Variants in C7orf78 observed in about 807,000 individuals in gnomAD.
C7orf78 encodes the protein putative uncharacterized protein C7orf78.
chr7:12,500,922 G>C, the C7orf78 span, among the ~76,000 whole-genome samples: 15,919 of 136,460 alleles, frequency 0.12, 1,186 homozygotes, highest in African/African-American at 0.2. Context: ...AAGGCTGGTT[G>C]AATATACGCA....
the C7orf78 span, among the ~76,000 whole-genome samples, chr7:12,498,559 A>G: frequency 6.6e-6 from 1 of 152,152 alleles, no homozygotes; most frequent in Non-Finnish European, 1.5e-5. Flanking sequence ...AAACGAGCAA[A>G]GCCTCCAAGA....
At chr7:12,535,477 A>G in the C7orf78 span, among the ~76,000 whole-genome samples, 5 of 152,186 alleles carry the variant, frequency 3.3e-5, no homozygotes, top group Non-Finnish European at 7.3e-5. Context: ...GGTCCTTCCC[A>G]GAACACATGG....
the C7orf78 span, among the ~76,000 whole-genome samples, chr7:12,530,196 G>T: frequency 6.6e-6 from 1 of 152,164 alleles, no homozygotes; most frequent in African/African-American, 2.4e-5. Context: ...AGTGGGGGTT[G>T]TGGAAGCCAA....
chr7:12,535,141 A>G, the C7orf78 span, among the ~76,000 whole-genome samples: 1 of 152,214 alleles, frequency 6.6e-6, no homozygotes, highest in Non-Finnish European at 1.5e-5. Flanking sequence ...ACCCACCAAA[A>G]TAGCCAAAAT....
At chr7:12,496,433 G>T in the C7orf78 span, 1 of 152,138 alleles carries the variant, frequency 6.6e-6, no homozygotes, top group African/African-American at 2.4e-5. Flanking sequence ...TATGCTGTTC[G>T]TCCATCCAAA....
At chr7:12,495,650 T>G in the C7orf78 span, among the ~76,000 whole-genome samples, 1 of 152,344 alleles carries the variant, frequency 6.6e-6, no homozygotes, top group Admixed American at 6.5e-5. Flanking sequence ...GAAAGTCTCT[T>G]GTTTTTATTT....
the C7orf78 span, among the ~76,000 whole-genome samples, chr7:12,517,714 T>C: frequency 6.6e-6 from 1 of 152,176 alleles, no homozygotes. Context: ...AACTCTTCAG[T>C]TCTAGAATTT....
the C7orf78 span, among the ~76,000 whole-genome samples, chr7:12,498,334 G>GA: frequency 6.6e-6 from 1 of 151,262 alleles, no homozygotes; most frequent in Non-Finnish European, 1.5e-5. Context: ...TGAAAACTTT[G>GA]AAAAAAATTT....
At chr7:12,514,308 C>A in the C7orf78 span, among the ~76,000 whole-genome samples, 1 of 151,864 alleles carries the variant, frequency 6.6e-6, no homozygotes, top group African/African-American at 2.4e-5. Context: ...TAACAATATT[C>A]TTTATCTTTT....
the C7orf78 span, among the ~76,000 whole-genome samples, chr7:12,529,893 A>G: frequency 1.3e-5 from 2 of 152,254 alleles, no homozygotes; most frequent in Non-Finnish European, 2.9e-5. Flanking sequence ...CTCCGCGCAC[A>G]GCTCAGGGGC....
At chr7:12,504,862 T>C in the C7orf78 span, among the ~76,000 whole-genome samples, 1 of 152,124 alleles carries the variant, frequency 6.6e-6, no homozygotes, top group African/African-American at 2.4e-5. Flanking sequence ...CAGATTATAT[T>C]ACATTTTTTT....
At chr7:12,508,680 A>C in the C7orf78 span, among the ~76,000 whole-genome samples, 1 of 152,218 alleles carries the variant, frequency 6.6e-6, no homozygotes, top group Non-Finnish European at 1.5e-5. Flanking sequence ...ACCAGGCCAC[A>C]CAACAGGAGG....
At chr7:12,540,705 A>G in the C7orf78 span, among the ~76,000 whole-genome samples, 2 of 152,192 alleles carry the variant, frequency 1.3e-5, no homozygotes, top group Non-Finnish European at 2.9e-5. Context: ...CTTCCACATC[A>G]TAGTTGTAGT....
At chr7:12,490,723 CA>C in the C7orf78 span, among the ~76,000 whole-genome samples, 1 of 151,542 alleles carries the variant, frequency 6.6e-6, no homozygotes, top group East Asian at 1.9e-4. Context: ...AAATAAAAGA[CA>C]AAAACAAAAC....
the C7orf78 span, among the ~76,000 whole-genome samples, chr7:12,529,586 G>A: frequency 2.6e-5 from 4 of 152,174 alleles, no homozygotes; most frequent in Admixed American, 2.6e-4. Flanking sequence ...TTACAGCTTG[G>A]TTTTATACAT....
At chr7:12,510,891 A>G in the C7orf78 span, among the ~76,000 whole-genome samples, 2 of 152,082 alleles carry the variant, frequency 1.3e-5, no homozygotes, top group Non-Finnish European at 2.9e-5. Flanking sequence ...TTTTAGTTGA[A>G]CATTGTCCCA....
the C7orf78 span, among the ~76,000 whole-genome samples, chr7:12,490,256 A>G: frequency 6.6e-6 from 1 of 152,096 alleles, no homozygotes; most frequent in African/African-American, 2.4e-5. Flanking sequence ...ACCTGCTTGT[A>G]ATCATAATAG....
the C7orf78 span, among the ~76,000 whole-genome samples, chr7:12,489,440 G>A: frequency 3.9e-5 from 6 of 152,218 alleles, no homozygotes; most frequent in East Asian, 1.2e-3. Context: ...ATTCCGTATA[G>A]GTCTACAGTA....
chr7:12,494,581 C>T, the C7orf78 span, among the ~76,000 whole-genome samples: 1 of 151,956 alleles, frequency 6.6e-6, no homozygotes, highest in Non-Finnish European at 1.5e-5. Flanking sequence ...ATGATAGCAT[C>T]GTACATTATT....
Sources: allele counts gnomAD v4.1 joint callset (sites outside exome capture counted in the v4.1 genomes callset), GRCh38; gene constraint gnomAD v4.1.1; transcripts MANE v1.5; gene names NCBI Gene and HGNC (gene_info 2026-07-23, HGNC 2026-07-21).